ZBTB21: variants seen among roughly 807,000 people sequenced by gnomAD.
ZBTB21 encodes zinc finger and BTB domain-containing protein 21.
A neutral mutation model predicts 39.8 loss-of-function variants in ZBTB21; 10 were observed. The ratio of observed to expected loss-of-function variants is 0.25; its 90% CI spans 0.16 to 0.43. The LOEUF (loss-of-function observed/expected upper bound fraction) is 0.43, where lower values mean the gene tolerates loss of function less well. Among genes scored for constraint, ZBTB21 ranks in the 20% least tolerant of loss-of-function variants. The pLI, the probability that ZBTB21 is intolerant of heterozygous loss-of-function variation, is 1.00. For synonymous variants in ZBTB21, 551 were observed against 498.8 expected (o/e 1.10, Z -1.40); for missense variants, 1,221 against 1,296.3 (o/e 0.94, Z 0.89).
At chr21:41,994,299 G>A (rs1279622970) in intron 2 of ZBTB21, among the ~76,000 whole-genome samples, 191 bp from the exon 3 acceptor site, 4 of 152,122 alleles carry the variant, frequency 2.6e-5, no homozygotes, top group Non-Finnish European at 5.9e-5. Flanking sequence ...CGTGGTTTAA[G>A]TAGGTCCTCA....
At position 41,992,492 on chromosome 21, in the gene ZBTB21, C is replaced by T; in HGVS notation, c.1604G>A (p.Gly535Asp). The T allele has an allele frequency of 6.2e-7, 1 of 1,614,198 alleles. No homozygotes were observed. The highest frequency in any genetic ancestry group is 1.7e-5 in the Admixed American group (1 of 60,022). ...GTTTGGTCTCGTCCCCTCCAACTCA[C>T]CAAATTCGTCTTTATTCAAATCAGA... The part of the protein sequence containing the change: ...PDSDLNKDEF[G>D]ELEGTRPNKK... The change falls in exon 3 of 3, where the codon GGT becomes GAT. Residue 535 changes from glycine to aspartate, a missense_variant. By Grantham distance (94) the Gly-to-Asp change is moderately conservative (BLOSUM62 -1). Transcript: ENST00000310826. This position sits in a 1 kb window ranked among gnomAD's most constrained non-coding sequence, Gnocchi z 4.1.
chr21:41,992,261 G>A lies in ZBTB21; in HGVS notation c.1835C>T (p.Ala612Val). The A allele has an allele frequency of 6.2e-7, 1 of 1,614,154 alleles. No individual in the cohort carries two copies. The highest frequency in any genetic ancestry group is 8.5e-7 in the Non-Finnish European group (1 of 1,180,042). ...KNPSPASSSH[A>V]VLDEKFQRKL... ...TCTTTGGAATTTTTCATCCAAAACAGCATGTGAACTAGAGGCTGGTGATGG... is the reference window on the plus strand; with the variant it reads ...TCTTTGGAATTTTTCATCCAAAACAACATGTGAACTAGAGGCTGGTGATGG... The change falls in exon 3 of 3, where the codon GCT (alanine) becomes GTT (valine). Residue 612 changes from alanine to valine, a missense_variant. Physicochemically the swap from Ala to Val is moderately conservative, Grantham distance 64. This residue lies in a region of ZBTB21 where 90 missense variants were observed against 133.1 expected (regional missense o/e 0.68). Coordinates refer to ENST00000310826, the MANE Select transcript of ZBTB21 (RefSeq NM_001098402.2). The surrounding 1 kb of genome is among the most constrained non-coding windows in gnomAD (Gnocchi z 4.1).
At chr21:41,995,704 A>G (rs1025230390) in intron 2 of ZBTB21, among the ~76,000 whole-genome samples, 4 of 152,266 alleles carry the variant, frequency 2.6e-5, no homozygotes, top group African/African-American at 9.6e-5. Flanking sequence ...AAATGTCTCC[A>G]GGACATGTCA....
At position 41,993,896 on chromosome 21, in the gene ZBTB21, T is replaced by G; in HGVS notation, c.200A>C (p.Gln67Pro). The change falls in exon 3 of 3, where the codon CAA becomes CCA. Residue 67 changes from glutamine (Q) to proline (P), a missense_variant. By Grantham distance (76) the Gln-to-Pro change is moderately conservative. Coordinates refer to ENST00000310826, the MANE Select transcript of ZBTB21 (RefSeq NM_001098402.2). ...SLFTNKENES[Q>P]TVFQLDFCEP... ...ACAGAAGTCAAGCTGAAATACAGTTTGTGACTCATTTTCCTTATTTGTGAA... is the reference window on the plus strand; with the variant it reads ...ACAGAAGTCAAGCTGAAATACAGTTGGTGACTCATTTTCCTTATTTGTGAA... 6.2e-7 allele frequency: 1 copy of G among 1,614,104 alleles called. No homozygotes were observed. Among genetic ancestry groups the G allele is most frequent in the South Asian group, 1.1e-5 (1 of 91,046 alleles).
chr21:42,004,926 C>T (rs1402066139), intron 1 of ZBTB21, among the ~76,000 whole-genome samples: 1 of 152,184 alleles, frequency 6.6e-6, no homozygotes, highest in Non-Finnish European at 1.5e-5. Flanking sequence ...CTCTGAGTTT[C>T]GGTCTTATCA....
chr21:41,991,237 CCA>C lies in ZBTB21; in HGVS notation c.2857_2858del (p.Trp953GlufsTer17). On this transcript the variant is annotated frameshift_variant, in exon 3 of 3. Transcript: ENST00000310826. LOFTEE classifies it high-confidence loss of function. The surrounding 1 kb of genome is among the most constrained non-coding windows in gnomAD (Gnocchi z 4.9). ...NKAFRTNFRL[W>X]SHFQSHMSQA... Reference sequence around the variant, plus strand: ...GAGACATGTGCGATTGGAAGTGACTCCAGAGTCGAAAATTAGTGCGAAAAGCT... The same window carrying C: ...GAGACATGTGCGATTGGAAGTGACTCGAGTCGAAAATTAGTGCGAAAAGCT... 1 of 1,614,140 alleles carries C rather than the reference CCA, an allele frequency of 6.2e-7. No homozygotes were observed. The highest frequency in any genetic ancestry group is 8.5e-7 in the Non-Finnish European group (1 of 1,180,030).
chr21:41,999,621 C>A (rs1282423204), intron 2 of ZBTB21, among the ~76,000 whole-genome samples: 2 of 152,204 alleles, frequency 1.3e-5, no homozygotes, highest in Admixed American at 6.5e-5. Flanking sequence ...CCTAACTGTA[C>A]AGGAACCTAC....
rs991716183 is a variant in ZBTB21, at chr21:41,992,577, A to T, written c.1519T>A (p.Ser507Thr). The T allele has an allele frequency of 5.0e-6, 8 of 1,614,078 alleles. No individual in the cohort carries two copies. The highest frequency in any genetic ancestry group is 6.8e-6 in the Non-Finnish European group (8 of 1,180,038). The change falls in exon 3 of 3, where the codon TCA becomes ACA. Residue 507 changes from serine (S) to threonine (T), a missense_variant. By Grantham distance (58) the Ser-to-Thr change is moderately conservative. Around this residue, in one of 4 missense-constraint regions of ZBTB21, gnomAD observed 500 missense variants for 465.6 expected, o/e 1.07. Coordinates refer to ENST00000310826, the MANE Select transcript of ZBTB21 (RefSeq NM_001098402.2). The surrounding 1 kb of genome is among the most constrained non-coding windows in gnomAD (Gnocchi z 4.1). ...LKVNEHGSPVSEDNFEEGSSP... is the reference protein window; with the variant it reads ...LKVNEHGSPVTEDNFEEGSSP... Reference sequence around the variant, plus strand: ...GAGCCTTCCTCAAAATTATCTTCTGACACAGGAGACCCGTGCTCATTCACC... The same window carrying T: ...GAGCCTTCCTCAAAATTATCTTCTGTCACAGGAGACCCGTGCTCATTCACC...
intron 2 of ZBTB21, among the ~76,000 whole-genome samples, chr21:41,994,681 A>T (rs1421910900): frequency 6.6e-6 from 1 of 152,138 alleles, no homozygotes; most frequent in African/African-American, 2.4e-5. Context: ...CTGCAGCCTC[A>T]ATCTCCTGGG....
rs1387737540 is a variant in ZBTB21 at position 41,988,434 on chromosome 21, G to A, written c.*2461C>T. 1 of 152,146 alleles carries A rather than the reference G, an allele frequency of 6.6e-6. No homozygotes were observed. Among genetic ancestry groups the A allele is most frequent in the Non-Finnish European group, 1.5e-5 (1 of 68,002 alleles). 9.4% of individuals were successfully genotyped at this position (152,146 alleles called of 1,614,324 possible). A position where few individuals can be genotyped will look rare whatever the true frequency, so the allele number is the denominator to read the frequency against. On this transcript the variant is annotated 3_prime_UTR_variant, in exon 3 of 3. Coordinates refer to ENST00000310826, the MANE Select transcript of ZBTB21 (RefSeq NM_001098402.2). Reference sequence around the variant, plus strand: ...CCAACTTGTTTTACACCAAGTATTTGCCTACTGGCTGAGATAAACATTCTT... The same window carrying A: ...CCAACTTGTTTTACACCAAGTATTTACCTACTGGCTGAGATAAACATTCTT...
intron 2 of ZBTB21, among the ~76,000 whole-genome samples, chr21:41,997,587 A>AAC (rs2065765055): frequency 1.5e-5 from 2 of 134,944 alleles, no homozygotes; most frequent in African/African-American, 2.8e-5. Flanking sequence ...AAAAAAAAAA[A>AAC]AACAAAAAAA....
In ZBTB21 at chr21:41,988,093, G is replaced by A. The variant is rs137929982; in HGVS notation, c.*2802C>T. 387 of 152,234 alleles carry A rather than the reference G, an allele frequency of 2.5e-3. 4 individuals carry two copies. Among genetic ancestry groups the A allele is most frequent in the African/African-American group, 8.9e-3 (371 of 41,546 alleles). 9.4% of individuals were successfully genotyped at this position (152,234 alleles called of 1,614,324 possible). ...AAATGCATACTAACTAGTTTTAAAG[G>A]TGAATATTCTACAAATCTTCAAATA... On this transcript the variant is annotated 3_prime_UTR_variant, in exon 3 of 3. Transcript: ENST00000310826.
chr21:42,003,043 A>G (rs568948297), intron 1 of ZBTB21, 82 bp from the exon 2 acceptor site: 26 of 152,372 alleles, frequency 1.7e-4, no homozygotes, highest in African/African-American at 5.3e-4. Flanking sequence ...CTTTCGAATC[A>G]GTCTATTTGT....
At position 41,992,057 on chromosome 21, in the gene ZBTB21, C is replaced by A; in HGVS notation, c.2039G>T (p.Arg680Leu). The change falls in exon 3 of 3, where the codon CGC (arginine) becomes CTC (leucine). Residue 680 changes from arginine (R) to leucine (L), a missense_variant. Transcript: ENST00000310826. This position sits in a 1 kb window ranked among gnomAD's most constrained non-coding sequence, Gnocchi z 4.1. ...YICTYCGKAY[R>L]FLSQFKQHIK... is the part of the protein sequence containing the mutation. The stretch of plus-strand genomic sequence containing the variant: ...ATGCTGCTTAAATTGAGAGAGAAAG[C>A]GGTACGCTTTTCCGCAGTAAGTACA... The A allele has an allele frequency of 6.2e-7, 1 of 1,614,228 alleles. No homozygotes were observed. Among genetic ancestry groups the A allele is most frequent in the Non-Finnish European group, 8.5e-7 (1 of 1,180,044 alleles).
rs1475674375 is a variant in ZBTB21, at chr21:41,987,535, A to C, written c.*3360T>G. Reference sequence around the variant, plus strand: ...CGTGTCAGCATTATTTAAATCAATAATGCATTTCACAATTATTGCAGAAAC... The same window carrying C: ...CGTGTCAGCATTATTTAAATCAATACTGCATTTCACAATTATTGCAGAAAC... On this transcript the variant is annotated 3_prime_UTR_variant, in exon 3 of 3. Coordinates refer to ENST00000310826, the MANE Select transcript of ZBTB21 (RefSeq NM_001098402.2). 6.6e-6 allele frequency: 1 copy of C among 152,246 alleles called. No individual in the cohort carries two copies. The highest frequency in any genetic ancestry group is 1.9e-4 in the East Asian group (1 of 5,198). 9.4% of individuals were successfully genotyped at this position (152,246 alleles called of 1,614,324 possible).
rs537092872 is a variant in ZBTB21, at chr21:41,987,528, A to C, written c.*3367T>G. ...AAGAGTACGTGTCAGCATTATTTAA[A>C]TCAATAATGCATTTCACAATTATTG... On this transcript the variant is annotated 3_prime_UTR_variant, in exon 3 of 3. Coordinates refer to ENST00000310826, the MANE Select transcript of ZBTB21 (RefSeq NM_001098402.2). The C allele has an allele frequency of 7.2e-5, 11 of 152,362 alleles. No individual in the cohort carries two copies. Among genetic ancestry groups the C allele is most frequent in the African/African-American group, 2.6e-4 (11 of 41,588 alleles). The allele number at this position is 152,362 out of a possible 1,614,324, so 9.4% of individuals were successfully genotyped here.
rs140656236 is a variant in ZBTB21 at position 42,001,161 on chromosome 21, G to C, written c.-14+1736C>G. 2.5e-3 allele frequency among the ~76,000 whole-genome samples: 384 copies of C among 152,270 alleles called. 4 individuals are homozygous for C. The highest frequency in any genetic ancestry group is 8.9e-3 in the African/African-American group (368 of 41,544). ...GTCATAGAGATAAGTAGCAGAGCAG[G>C]ATTCACATCAGCTGGCTTGGATCCA... On this transcript the variant is annotated intron_variant, in intron 2 of 2. Coordinates refer to ENST00000310826, the MANE Select transcript of ZBTB21 (RefSeq NM_001098402.2).
chr21:41,991,269 T>C lies in ZBTB21; in HGVS notation c.2827A>G (p.Asn943Asp). ...CGAAAATTAGTGCGAAAAGCTTTGTTGCACACGTGACAAATAAATGGTTTC... is the reference window on the plus strand; with the variant it reads ...CGAAAATTAGTGCGAAAAGCTTTGTCGCACACGTGACAAATAAATGGTTTC... Reference protein sequence around the residue: ...SVKPFICHVCNKAFRTNFRLW... With the variant: ...SVKPFICHVCDKAFRTNFRLW... The change falls in exon 3 of 3, where the codon AAC becomes GAC. Residue 943 changes from asparagine (N) to aspartate (D), a missense_variant. Asn to Asp is a conservative substitution (Grantham distance 23). Coordinates refer to ENST00000310826, the MANE Select transcript of ZBTB21 (RefSeq NM_001098402.2). This position sits in a 1 kb window ranked among gnomAD's most constrained non-coding sequence, Gnocchi z 4.9. 6.2e-7 allele frequency: 1 copy of C among 1,614,088 alleles called. No individual in the cohort carries two copies. The highest frequency in any genetic ancestry group is 8.5e-7 in the Non-Finnish European group (1 of 1,179,954).
At chr21:41,996,652 G>A (rs929589541) in intron 2 of ZBTB21, among the ~76,000 whole-genome samples, 3 of 152,214 alleles carry the variant, frequency 2.0e-5, no homozygotes, top group Non-Finnish European at 4.4e-5. Flanking sequence ...GGACTGTTGG[G>A]AACGCATGAT....
Sources: allele counts gnomAD v4.1 joint callset (sites outside exome capture counted in the v4.1 genomes callset), GRCh38; gene constraint gnomAD v4.1.1; regional missense constraint gnomAD v4.1.1; non-coding constraint Gnocchi (gnomAD v3.1); transcripts MANE v1.5; gene names NCBI Gene and HGNC (gene_info 2026-07-23, HGNC 2026-07-21).